Variants in VWA3B observed in about 807,000 individuals in gnomAD.
VWA3B encodes von Willebrand factor A domain containing 3B.
A neutral mutation model predicts 158.3 loss-of-function variants in VWA3B; 138 were observed. That is an observed-to-expected ratio of 0.87 (90% CI 0.76 to 1.00). The LOEUF (loss-of-function observed/expected upper bound fraction) is 1.00, where lower values mean the gene tolerates loss of function less well. VWA3B is among the 50% of genes least tolerant of loss of function. VWA3B has a pLI of 0.00. For missense variants in VWA3B, 1,555 were observed against 1,565.1 expected (o/e 0.99, Z 0.11); for synonymous variants, 596 against 587.3 (o/e 1.01, Z -0.21).
intron 8 of VWA3B, among the ~76,000 whole-genome samples, chr2:98,166,764 G>T (rs1679105473): frequency 6.8e-6 from 1 of 147,264 alleles, no homozygotes; most frequent in Non-Finnish European, 1.5e-5. Flanking sequence ...CAGATACTGG[G>T]CAATGATGTA....
At chr2:98,264,865 T>G (rs963827877) in intron 21 of VWA3B, among the ~76,000 whole-genome samples, 2 of 152,128 alleles carry the variant, frequency 1.3e-5, no homozygotes, top group African/African-American at 4.8e-5. Flanking sequence ...CAAAGCTTGT[T>G]TTATGTATCT....
intron 8 of VWA3B, among the ~76,000 whole-genome samples, chr2:98,174,358 T>C (rs1679834907): frequency 6.6e-6 from 1 of 152,148 alleles, no homozygotes; most frequent in Admixed American, 6.6e-5. Context: ...GGGGGCAGGA[T>C]GGGGTTGGAG....
At chr2:98,186,057 A>G (rs1026884932) in intron 9 of VWA3B, among the ~76,000 whole-genome samples, 6 of 148,988 alleles carry the variant, frequency 4.0e-5, no homozygotes, top group African/African-American at 1.2e-4. Context: ...ACCAAAACCC[A>G]CGTTTTGCAG....
At chr2:98,172,432 C>G (rs1312865955) in intron 8 of VWA3B, among the ~76,000 whole-genome samples, 1 of 152,202 alleles carries the variant, frequency 6.6e-6, no homozygotes, top group African/African-American at 2.4e-5. Context: ...CTCCGATATG[C>G]TCCTCTCGAT....
At chr2:98,316,484 A>G (rs1258165116), downstream of VWA3B, among the ~76,000 whole-genome samples, 1 of 152,094 alleles carries the variant, frequency 6.6e-6, no homozygotes, top group Non-Finnish European at 1.5e-5. Context: ...CTCTGCCAAA[A>G]ATACAAAAAA....
In VWA3B at chr2:98,125,793, A is replaced by G. The variant is rs1407844728; in HGVS notation, c.703-2446A>G. Among the ~76,000 whole-genome samples, 1 of 151,954 alleles carries G rather than the reference A, an allele frequency of 6.6e-6. No homozygotes were observed. ...ATTCTCCTGCCTCAGCCTCCCCAGT[A>G]GCTGGGACTACAGGCGCCTGCCACC... is the stretch of plus-strand genomic sequence containing the variant. On this transcript the variant is annotated intron_variant, in intron 5 of 27. Transcript: ENST00000477737. The surrounding 1 kb of genome is among the most constrained non-coding windows in gnomAD (Gnocchi z 4.1).
chr2:98,120,105 A>G (rs761075427), intron 4 of VWA3B, among the ~76,000 whole-genome samples: 7 of 152,200 alleles, frequency 4.6e-5, no homozygotes, highest in Non-Finnish European at 5.9e-5. Flanking sequence ...TAACTTGGGT[A>G]ATGAATTCAA....
At chr2:98,099,466 A>G (rs946423372) in intron 2 of VWA3B, 3 of 152,102 alleles carry the variant, frequency 2.0e-5, no homozygotes, top group Non-Finnish European at 4.4e-5. Context: ...GAACTTCCTT[A>G]TATGTTACTA....
intron 20 of VWA3B, among the ~76,000 whole-genome samples, chr2:98,253,864 G>A (rs1686955294): frequency 6.6e-6 from 1 of 152,148 alleles, no homozygotes; most frequent in Non-Finnish European, 1.5e-5. Context: ...CCGCAGAGAG[G>A]CCCTCAGGTC....
At position 98,185,545 on chromosome 2, in the gene VWA3B, T is replaced by G. The variant is rs995145226; in HGVS notation, c.1312-2430T>G. On this transcript the variant is annotated intron_variant, in intron 9 of 27. Coordinates refer to ENST00000477737, the MANE Select transcript of VWA3B (RefSeq NM_144992.5). ...AGTCCACTCAGCCCCTCACTGGCTG[T>G]CCTCTCCTCCTGAAACACCTAGCAC... 2.6e-5 allele frequency among the ~76,000 whole-genome samples: 4 copies of G among 152,328 alleles called. No homozygotes were observed. The East Asian group carries it at 7.7e-4, about 29-fold the overall frequency.
chr2:98,164,134 A>G (rs915667119), intron 8 of VWA3B, among the ~76,000 whole-genome samples: 9 of 152,202 alleles, frequency 5.9e-5, no homozygotes, highest in Non-Finnish European at 1.3e-4. Context: ...ACTTGCTCTC[A>G]GATGCCTACA....
At position 98,170,336 on chromosome 2, in the gene VWA3B, A is replaced by T. The variant is rs1302910826; in HGVS notation, c.1114+7360A>T. 3.3e-5 allele frequency among the ~76,000 whole-genome samples: 5 copies of T among 152,334 alleles called. No homozygotes were observed. The East Asian group carries it at 9.6e-4, about 29-fold the overall frequency. On this transcript the variant is annotated intron_variant, in intron 8 of 27. Coordinates refer to ENST00000477737, the MANE Select transcript of VWA3B (RefSeq NM_144992.5). ...ATCATGAACAAAGACAGTCCAAAAG[A>T]TTACCATCTGAGACTCAAGATTTGG...
intron 20 of VWA3B, among the ~76,000 whole-genome samples, chr2:98,251,797 A>G (rs1686814830): frequency 6.6e-6 from 1 of 152,168 alleles, no homozygotes; most frequent in Non-Finnish European, 1.5e-5. Context: ...TGTCCAACCC[A>G]GGCCTCTCCA....
At chr2:98,231,310 C>CAATAGCTAA (rs1346143414) in intron 16 of VWA3B, among the ~76,000 whole-genome samples, 1 of 152,072 alleles carries the variant, frequency 6.6e-6, no homozygotes, top group African/African-American at 2.4e-5. Context: ...TCAGGTTCTA[C>CAATAGCTAA]AATAGCTAAA....
intron 2 of VWA3B, among the ~76,000 whole-genome samples, chr2:98,107,427 T>C (rs777171652): frequency 6.6e-6 from 1 of 152,122 alleles, no homozygotes; most frequent in Non-Finnish European, 1.5e-5. Flanking sequence ...TGTTTCTTGT[T>C]GAGATAACAA....
At chr2:98,220,165 T>TAAAAAAAAAAAAAAAAAA (rs58005028) in intron 14 of VWA3B, among the ~76,000 whole-genome samples, 1 of 83,682 alleles carries the variant, frequency 1.2e-5, no homozygotes, top group Admixed American at 1.4e-4. Flanking sequence ...ACCTGTCTCA[T>TAAAAAAAAAAAAAAAAAA]AAAAAAAAAA....
At chr2:98,090,132 GA>G (rs1390018596) in intron 1 of VWA3B, among the ~76,000 whole-genome samples, 2 of 152,104 alleles carry the variant, frequency 1.3e-5, no homozygotes, top group African/African-American at 4.8e-5. Context: ...AAATAGTAAA[GA>G]AAAAAGTTTC....
chr2:98,170,838 C>T (rs1333349084), intron 8 of VWA3B, among the ~76,000 whole-genome samples: 1 of 152,116 alleles, frequency 6.6e-6, no homozygotes, highest in Non-Finnish European at 1.5e-5. Context: ...ATCTCTTGCC[C>T]TCATGATCCG....
intron 7 of VWA3B, among the ~76,000 whole-genome samples, chr2:98,158,851 G>A (rs1459014817): frequency 6.6e-6 from 1 of 152,108 alleles, no homozygotes; most frequent in Non-Finnish European, 1.5e-5. Flanking sequence ...TGTTAGAGGA[G>A]TGTCATGGGA....
Sources: allele counts gnomAD v4.1 joint callset (sites outside exome capture counted in the v4.1 genomes callset), GRCh38; gene constraint gnomAD v4.1.1; non-coding constraint Gnocchi (gnomAD v3.1); transcripts MANE v1.5; gene names NCBI Gene and HGNC (gene_info 2026-07-23, HGNC 2026-07-21).